ADAMTS12: variants seen among roughly 807,000 people sequenced by gnomAD.
ADAMTS12 encodes the protein ADAM metallopeptidase with thrombospondin type 1 motif 12.
In ADAMTS12, 118 loss-of-function variants were observed where a neutral mutation model predicts 167.8. The observed-to-expected ratio is 0.70, with a 90% CI of 0.61 to 0.82. ADAMTS12 has a LOEUF of 0.82. Among genes scored for constraint, ADAMTS12 ranks in the 40% least tolerant of loss-of-function variants. The probability of loss-of-function intolerance (pLI) is 0.00; values close to 1 mark genes in which losing one functional copy is unlikely to be tolerated. For synonymous variants in ADAMTS12, 704 were observed against 716.9 expected (o/e 0.98, Z 0.29); for missense variants, 1,916 against 1,998.8 (o/e 0.96, Z 0.79).
rs1203002880 is a variant in ADAMTS12 at position 33,546,203 on chromosome 5, C to CTGA, written c.4303-4_4303-2dup. On this transcript the variant is annotated splice_acceptor_variant, in intron 21 of 23. Transcript: ENST00000504830. LOFTEE classifies it high-confidence loss of function. ...CTCCACCTCCACAGGACCTGGAGCA[C>CTGA]TGATACACAGCAGTGACAAGATTAG... is the stretch of plus-strand genomic sequence containing the variant. 6.2e-7 allele frequency: 1 copy of CTGA among 1,610,488 alleles called. No individual in the cohort carries two copies. Among genetic ancestry groups the CTGA allele is most frequent in the South Asian group, 1.1e-5 (1 of 90,080 alleles).
intron 19 of ADAMTS12, among the ~76,000 whole-genome samples, chr5:33,568,246 T>G (rs1211603212): frequency 6.6e-6 from 1 of 152,190 alleles, no homozygotes; most frequent in Non-Finnish European, 1.5e-5. Context: ...ATTCTTTACC[T>G]CTAAATGGAG....
intron 2 of ADAMTS12, among the ~76,000 whole-genome samples, chr5:33,803,811 T>G (rs1579950338): frequency 1.3e-5 from 2 of 152,288 alleles, no homozygotes; most frequent in South Asian, 4.2e-4. Context: ...CTCATGAGAC[T>G]TATTCATTAT....
chr5:33,836,681 AC>A (rs1748540285), intron 2 of ADAMTS12, among the ~76,000 whole-genome samples: 1 of 152,056 alleles, frequency 6.6e-6, no homozygotes, highest in Non-Finnish European at 1.5e-5. Context: ...GACCCAGAGA[AC>A]CCAGCAGCTC....
At chr5:33,541,863 G>A (rs547581754) in intron 22 of ADAMTS12, among the ~76,000 whole-genome samples, 4 of 152,178 alleles carry the variant, frequency 2.6e-5, no homozygotes, top group African/African-American at 7.2e-5. Flanking sequence ...AGCAACAACC[G>A]GTACCAGCCA....
intron 3 of ADAMTS12, among the ~76,000 whole-genome samples, chr5:33,689,564 G>C (rs974760686): frequency 3.3e-5 from 5 of 152,122 alleles, no homozygotes; most frequent in African/African-American, 1.2e-4. Flanking sequence ...GATTTCTGGA[G>C]ACAATATCCT....
chr5:33,891,317 TAAAACTA>T (rs1750840823), intron 1 of ADAMTS12, among the ~76,000 whole-genome samples: 1 of 152,096 alleles, frequency 6.6e-6, no homozygotes, highest in African/African-American at 2.4e-5. Context: ...ACCAGAGGTT[TAAAACTA>T]ACTAGAAACA....
intron 16 of ADAMTS12, among the ~76,000 whole-genome samples, chr5:33,606,138 A>G (rs10062326): frequency 0.58 from 88,203 of 152,010 alleles, 25,868 homozygotes; most frequent in East Asian, 0.82. Flanking sequence ...TGTAGAGATG[A>G]GGTTTCACCA....
At chr5:33,558,643 G>T (rs1014207433) in intron 20 of ADAMTS12, among the ~76,000 whole-genome samples, 3 of 152,172 alleles carry the variant, frequency 2.0e-5, no homozygotes, top group African/African-American at 7.2e-5. Context: ...GACTCCCTCA[G>T]GCTGGAGCTG....
At chr5:33,880,542 A>T (rs1173603801) in intron 2 of ADAMTS12, among the ~76,000 whole-genome samples, 1 of 152,278 alleles carries the variant, frequency 6.6e-6, no homozygotes, top group Non-Finnish European at 1.5e-5. Context: ...GAGGCAGGCC[A>T]GATTTGGCCT....
rs572991691 is a variant in ADAMTS12, at chr5:33,886,021, T to TA, written c.128-4542dup. Reference sequence around the variant, plus strand: ...GCGGAAGCAAACTTAATCTAGGAGTTATCTCAATTTATCCAGAAAATAACA... The same window carrying TA: ...GCGGAAGCAAACTTAATCTAGGAGTTAATCTCAATTTATCCAGAAAATAACA... On this transcript the variant is annotated intron_variant, in intron 1 of 23. Coordinates refer to ENST00000504830, the MANE Select transcript of ADAMTS12 (RefSeq NM_030955.4). Among the ~76,000 whole-genome samples the TA allele has an allele frequency of 5.9e-5, 9 of 152,296 alleles. No homozygotes were observed. The South Asian group carries it at 1.9e-3, about 32-fold the overall frequency.
At chr5:33,646,591 A>G (rs928094195) in intron 9 of ADAMTS12, among the ~76,000 whole-genome samples, 12 of 152,208 alleles carry the variant, frequency 7.9e-5, no homozygotes, top group Non-Finnish European at 7.3e-5. Flanking sequence ...GTAACATTTT[A>G]AATTGACCCA....
chr5:33,580,936 C>T (rs532734018), intron 18 of ADAMTS12, among the ~76,000 whole-genome samples: 1 of 152,328 alleles, frequency 6.6e-6, no homozygotes, highest in South Asian at 2.1e-4. Flanking sequence ...CATCTACTTT[C>T]CTTAGCCAGC....
rs200507261 is a variant in ADAMTS12, at chr5:33,881,197, G to A, written c.411C>T (p.Pro137=). 9.3e-6 allele frequency: 15 copies of A among 1,614,184 alleles called. No homozygotes were observed. Among genetic ancestry groups the A allele is most frequent in the Admixed American group, 1.7e-5 (1 of 60,024 alleles). Residue 137 remains proline, a synonymous_variant, in exon 2 of 24, where the codon CCC becomes CCT. Transcript: ENST00000504830. Reference sequence around the variant, plus strand: ...GAACCGTGCCACTGAGATGGCAGAGGGGGGCAGAGGAAGCCATCATCTTAA... The same window carrying A: ...GAACCGTGCCACTGAGATGGCAGAGAGGGGCAGAGGAAGCCATCATCTTAA... ...SHVKMMASSA[P]LCHLSGTVLQ...
At chr5:33,627,026 G>A (rs1739676958) in intron 13 of ADAMTS12, among the ~76,000 whole-genome samples, 1 of 150,354 alleles carries the variant, frequency 6.7e-6, no homozygotes, top group Non-Finnish European at 1.5e-5. Flanking sequence ...GGGTAGTGGT[G>A]ATTTGATGAT....
intron 3 of ADAMTS12, among the ~76,000 whole-genome samples, chr5:33,717,121 T>G (rs897629792): frequency 4.7e-4 from 15 of 31,688 alleles, no homozygotes; most frequent in Non-Finnish European, 1.8e-3. Context: ...AATTGTAGGT[T>G]TTTTTTTTTT....
chr5:33,845,481 CAG>C (rs1561303995), intron 2 of ADAMTS12, among the ~76,000 whole-genome samples: 2 of 152,064 alleles, frequency 1.3e-5, no homozygotes, highest in African/African-American at 4.8e-5. Context: ...TTAATAATAA[CAG>C]ATATAATAGT....
intron 5 of ADAMTS12, among the ~76,000 whole-genome samples, chr5:33,674,689 A>G (rs1741835921): frequency 6.6e-6 from 1 of 152,148 alleles, no homozygotes; most frequent in South Asian, 2.1e-4. Flanking sequence ...GACAAGAGGG[A>G]CAGGTACAGA....
rs73758594 is a variant in ADAMTS12, at chr5:33,554,337, G to A, written c.4126-4954C>T. ...GGTAGACAGAGAAAGATGGGTGGAC[G>A]CCATCATGGAGAACCTTGTGGTCTG... On this transcript the variant is annotated intron_variant, in intron 20 of 23. Coordinates refer to ENST00000504830, the MANE Select transcript of ADAMTS12 (RefSeq NM_030955.4). 6.9e-3 allele frequency among the ~76,000 whole-genome samples: 1,052 copies of A among 152,248 alleles called. 10 individuals are homozygous for A. Among genetic ancestry groups the A allele is most frequent in the African/African-American group, 0.025 (1,021 of 41,532 alleles).
At chr5:33,610,423 T>A (rs1477068027) in intron 16 of ADAMTS12, among the ~76,000 whole-genome samples, 1 of 152,174 alleles carries the variant, frequency 6.6e-6, no homozygotes, top group African/African-American at 2.4e-5. Flanking sequence ...AAGAATGTAG[T>A]ATGACCTAAC....
Sources: allele counts gnomAD v4.1 joint callset (sites outside exome capture counted in the v4.1 genomes callset), GRCh38; gene constraint gnomAD v4.1.1; transcripts MANE v1.5; gene names NCBI Gene and HGNC (gene_info 2026-07-23, HGNC 2026-07-21).